CLDN10: variants seen among roughly 807,000 people sequenced by gnomAD.
The protein encoded by CLDN10 is claudin 10.
CLDN10 carries 15 observed loss-of-function variants against 22.9 expected under a neutral mutation model. The ratio of observed to expected loss-of-function variants is 0.65; its 90% CI spans 0.44 to 1.01. The LOEUF (loss-of-function observed/expected upper bound fraction) is 1.01, where lower values mean the gene tolerates loss of function less well. Among genes scored for constraint, CLDN10 ranks in the 50% least tolerant of loss-of-function variants. The probability of loss-of-function intolerance (pLI) is 0.00; values close to 1 mark genes in which losing one functional copy is unlikely to be tolerated. For missense variants in CLDN10, 247 were observed against 287.8 expected, an observed-to-expected ratio of 0.86 and a Z score of 1.03; for synonymous variants, 114 against 111.4, an observed-to-expected ratio of 1.02 and a Z score of -0.15.
At chr13:95,490,676 G>A (rs1263964776) in intron 1 of CLDN10, among the ~76,000 whole-genome samples, 1 of 151,896 alleles carries the variant, frequency 6.6e-6, no homozygotes, top group Non-Finnish European at 1.5e-5. Flanking sequence ...GGCTCATTTT[G>A]TGGCCTATCA....
intron 3 of CLDN10, among the ~76,000 whole-genome samples, chr13:95,575,002 C>T (rs2043906237): frequency 6.6e-6 from 1 of 152,122 alleles, no homozygotes; most frequent in South Asian, 2.1e-4. Flanking sequence ...TGATTTCTAT[C>T]ATCTTCATCC....
At chr13:95,568,781 T>C (rs2043817931) in intron 3 of CLDN10, among the ~76,000 whole-genome samples, 1 of 151,654 alleles carries the variant, frequency 6.6e-6, no homozygotes, top group Admixed American at 6.6e-5. Flanking sequence ...TGTAGGACTG[T>C]CTGTCTGTCT....
At chr13:95,574,677 G>A (rs189218966) in intron 3 of CLDN10, among the ~76,000 whole-genome samples, 60 of 152,260 alleles carry the variant, frequency 3.9e-4, no homozygotes, top group Non-Finnish European at 7.6e-4. Flanking sequence ...GGCTGAGGCA[G>A]GAGAATCGCT....
chr13:95,504,375 T>A (rs904061240), intron 1 of CLDN10, among the ~76,000 whole-genome samples: 14 of 152,144 alleles, frequency 9.2e-5, no homozygotes, highest in African/African-American at 3.1e-4. Context: ...CTTAATTTTT[T>A]ATTTTATTTT....
intron 1 of CLDN10, among the ~76,000 whole-genome samples, chr13:95,492,921 C>G (rs2042890233): frequency 6.6e-6 from 1 of 152,164 alleles, no homozygotes; most frequent in African/African-American, 2.4e-5. Context: ...TTGGAAACTT[C>G]TCCCAAAAAC....
At chr13:95,558,447 G>A (rs978381498) in intron 1 of CLDN10, among the ~76,000 whole-genome samples, 27 of 152,142 alleles carry the variant, frequency 1.8e-4, no homozygotes, top group African/African-American at 6.5e-4. Flanking sequence ...TGATAGCCAC[G>A]GTGTTAGTGA....
intron 1 of CLDN10, among the ~76,000 whole-genome samples, chr13:95,470,185 A>ACCTG (rs2042616892): frequency 6.6e-6 from 1 of 152,238 alleles, no homozygotes; most frequent in Non-Finnish European, 1.5e-5. Context: ...TACCAGAAAT[A>ACCTG]TGCACAGGGA....
intron 1 of CLDN10, among the ~76,000 whole-genome samples, chr13:95,505,921 G>A (rs958978839): frequency 1.3e-5 from 2 of 151,954 alleles, no homozygotes; most frequent in African/African-American, 4.8e-5. Context: ...CGCCCAGCTA[G>A]TTGAGATGGG....
chr13:95,540,654 C>T (rs975701143), intron 1 of CLDN10, among the ~76,000 whole-genome samples: 17 of 152,138 alleles, frequency 1.1e-4, no homozygotes, highest in Admixed American at 9.2e-4. Context: ...GTTAGTGGCT[C>T]GGACTGGGAA....
intron 1 of CLDN10, among the ~76,000 whole-genome samples, chr13:95,453,004 T>C (rs2139079871): frequency 6.6e-6 from 1 of 152,354 alleles, no homozygotes; most frequent in East Asian, 1.9e-4. Flanking sequence ...TTAACTTCAA[T>C]GTACAGGTCT....
At chr13:95,547,503 A>T (rs2043522130) in intron 1 of CLDN10, among the ~76,000 whole-genome samples, 1 of 152,232 alleles carries the variant, frequency 6.6e-6, no homozygotes, top group Non-Finnish European at 1.5e-5. Flanking sequence ...GAATGAACTG[A>T]ATAATATTCA....
chr13:95,507,308 A>G (rs993242810), intron 1 of CLDN10, among the ~76,000 whole-genome samples: 24 of 152,140 alleles, frequency 1.6e-4, no homozygotes. Context: ...TATAAAGAAT[A>G]TGGTATAATG....
chr13:95,500,519 G>A (rs2042974099), intron 1 of CLDN10, among the ~76,000 whole-genome samples: 1 of 152,184 alleles, frequency 6.6e-6, no homozygotes, highest in African/African-American at 2.4e-5. Flanking sequence ...GATGGGAGAG[G>A]CCAGTTTATG....
intron 1 of CLDN10, among the ~76,000 whole-genome samples, chr13:95,436,294 C>G (rs2042270972): frequency 6.6e-6 from 1 of 152,048 alleles, no homozygotes; most frequent in South Asian, 2.1e-4. Context: ...AGTGATCCTC[C>G]CACCTCAGCC....
intron 1 of CLDN10, among the ~76,000 whole-genome samples, chr13:95,504,024 G>A (rs982983323): frequency 6.6e-6 from 1 of 152,136 alleles, no homozygotes; most frequent in Non-Finnish European, 1.5e-5. Context: ...AAATGAAAAG[G>A]AGTAGTCATG....
At chr13:95,442,029 T>C (rs140801771) in intron 1 of CLDN10, among the ~76,000 whole-genome samples, 1,584 of 152,244 alleles carry the variant, frequency 0.01, 30 homozygotes, top group African/African-American at 0.036. Flanking sequence ...TGGGCACCTA[T>C]AGTCCCAGCT....
chr13:95,454,180 C>T (rs1241305159), intron 1 of CLDN10, among the ~76,000 whole-genome samples: 1 of 152,134 alleles, frequency 6.6e-6, no homozygotes, highest in Non-Finnish European at 1.5e-5. Flanking sequence ...TGGCTCACAC[C>T]TGTAATCCCA....
chr13:95,568,438 C>T (rs1022384663), intron 3 of CLDN10, among the ~76,000 whole-genome samples: 1 of 152,002 alleles, frequency 6.6e-6, no homozygotes, highest in Non-Finnish European at 1.5e-5. Context: ...CTGACCAGTG[C>T]ATGACATCAT....
Position 95,470,787 on chromosome 13 carries a change from C to G in CLDN10, c.214+36740C>G, listed in dbSNP as rs756639654. On this transcript the variant is annotated intron_variant, in intron 1 of 4. Transcript: ENST00000376873. ...ACACTTGTCTCTGTTACTGATACCCCCTCCCACTCCGGGTTTATTAGTAGC... is the reference window on the plus strand; with the variant it reads ...ACACTTGTCTCTGTTACTGATACCCGCTCCCACTCCGGGTTTATTAGTAGC... 7.2e-5 allele frequency among the ~76,000 whole-genome samples: 11 copies of G among 152,134 alleles called. No individual in the cohort carries two copies. In the South Asian group the frequency reaches 1.0e-3, roughly 14 times the overall value.
Sources: allele counts gnomAD v4.1 joint callset (sites outside exome capture counted in the v4.1 genomes callset), GRCh38; gene constraint gnomAD v4.1.1; transcripts MANE v1.5; gene names NCBI Gene and HGNC (gene_info 2026-07-23, HGNC 2026-07-21).